The following RDH13 variants were observed in gnomAD, a reference collection of about 807,000 sequenced individuals.
The protein encoded by RDH13 is retinol dehydrogenase 13.
In RDH13, 35 loss-of-function variants were observed where a neutral mutation model predicts 28.3. The ratio of observed to expected loss-of-function variants is 1.24; its 90% CI spans 0.95 to 1.64. RDH13 has a LOEUF of 1.64. RDH13 is among the 40% of genes most tolerant of loss of function. The pLI is 0.00. For missense variants in RDH13, 514 were observed against 446.3 expected, an observed-to-expected ratio of 1.15 and a Z score of -1.37; for synonymous variants, 229 against 198.5, an observed-to-expected ratio of 1.15 and a Z score of -1.29.
At chr19:55,057,111 A>G (rs137939130) in intron 2 of RDH13, among the ~76,000 whole-genome samples, 1 of 152,304 alleles carries the variant, frequency 6.6e-6, no homozygotes, top group Non-Finnish European at 1.5e-5. Context: ...CAGACACGAA[A>G]GACCACACAG....
At position 55,044,532 on chromosome 19, in the gene RDH13, A is replaced by C. The variant is rs971817899; in HGVS notation, c.*542T>G. 3.3e-5 allele frequency: 5 copies of C among 152,614 alleles called. No homozygotes were observed. The highest frequency in any genetic ancestry group is 1.2e-4 in the African/African-American group (5 of 41,456). The allele number at this position is 152,614 out of a possible 1,614,324, so 9.5% of individuals were successfully genotyped here. A position where few individuals can be genotyped will look rare whatever the true frequency, so the allele number is the denominator to read the frequency against. On this transcript the variant is annotated 3_prime_UTR_variant, in exon 7 of 7. Transcript: ENST00000415061. Reference sequence around the variant, plus strand: ...GGCTCTGGCACAGGAAGCCCTCAGCAAACACCCCCGGCACAGCCATGCCAT... The same window carrying C: ...GGCTCTGGCACAGGAAGCCCTCAGCCAACACCCCCGGCACAGCCATGCCAT...
chr19:55,062,904 G>A, intron 1 of RDH13, 64 bp downstream of exon 1: 1 of 1,316,214 alleles, frequency 7.6e-7, no homozygotes, highest in South Asian at 1.7e-5. Context: ...GGTCTCCGCC[G>A]CCTTCCCGGC....
chr19:55,064,611 GTTTGT>G (rs557477350), upstream of RDH13, among the ~76,000 whole-genome samples: 221 of 150,724 alleles, frequency 1.5e-3, no homozygotes, highest in African/African-American at 2.1e-3. Context: ...TTGTTTGTTT[GTTTGT>G]TTTGTTTTGT....
At chr19:55,055,277 T>C (rs990722443) in intron 3 of RDH13, among the ~76,000 whole-genome samples, 2 of 151,896 alleles carry the variant, frequency 1.3e-5, no homozygotes, top group African/African-American at 4.8e-5. Flanking sequence ...CTCAGCACCC[T>C]GAGTAGCTGA....
chr19:55,061,232 A>G (rs1215233922), intron 1 of RDH13, among the ~76,000 whole-genome samples: 2 of 152,088 alleles, frequency 1.3e-5, no homozygotes, highest in Admixed American at 6.5e-5. Context: ...GGTTCAAGCG[A>G]TTCTCCTGCC....
chr19:55,044,951 G>A lies in RDH13; in HGVS notation c.*123C>T. ...CCAGCACCGCCCCCTAGAACCTACT[G>A]CGGGCATGGCGGCCGCCAGTCCTGG... On this transcript the variant is annotated 3_prime_UTR_variant, in exon 7 of 7. Coordinates refer to ENST00000415061, the MANE Select transcript of RDH13 (RefSeq NM_001145971.2). 1.4e-6 allele frequency: 1 copy of A among 703,470 alleles called. No individual in the cohort carries two copies. Among genetic ancestry groups the A allele is most frequent in the East Asian group, 2.7e-5 (1 of 37,016 alleles). 43.6% of individuals were successfully genotyped at this position (703,470 alleles called of 1,614,324 possible). A position where few individuals can be genotyped will look rare whatever the true frequency, so the allele number is the denominator to read the frequency against.
intron 2 of RDH13, among the ~76,000 whole-genome samples, chr19:55,057,797 CTTTT>C (rs2075685995): frequency 7.2e-6 from 1 of 139,304 alleles, no homozygotes; most frequent in East Asian, 2.2e-4. Context: ...ACCCCCTTTT[CTTTT>C]TGTTTATTAT....
chr19:55,059,058 G>A (rs939981747), intron 2 of RDH13, 99 bp downstream of exon 2: 3 of 730,540 alleles, frequency 4.1e-6, no homozygotes, highest in Admixed American at 2.2e-5. Flanking sequence ...ATCTGTGGAT[G>A]GGTGCCTGGG....
Position 55,048,534 on chromosome 19 carries a change from A to G in RDH13, c.453T>C (p.Phe151=), listed in dbSNP as rs2075318570. The G allele has an allele frequency of 1.2e-6, 2 of 1,614,150 alleles. No homozygotes were observed. ...TGTCCAGCAGCAAGTTTGTCAAGAG[A>G]AAGTGACCTGGATTAAGGATGATGA... ...MQFGVNHLGH[F]LLTNLLLDKL... is the part of the protein sequence containing the mutation. The change falls in exon 5 of 7, where the codon TTT becomes TTC. Residue 151 remains phenylalanine, a synonymous_variant. Coordinates refer to ENST00000415061, the MANE Select transcript of RDH13 (RefSeq NM_001145971.2).
At chr19:55,045,336 T>A in intron 6 of RDH13, 27 bp from the exon 7 acceptor site, 1 of 1,568,488 alleles carries the variant, frequency 6.4e-7, no homozygotes, top group Non-Finnish European at 8.7e-7. Context: ...GGGCATTTAG[T>A]CCACACTCGC....
chr19:55,048,269 G>T, intron 5 of RDH13, 60 bp downstream of exon 5: 1 of 1,604,556 alleles, frequency 6.2e-7, no homozygotes, highest in Non-Finnish European at 8.5e-7. Context: ...TAGGATCATG[G>T]AAAGGCCGCT....
chr19:55,049,617 G>T (rs149365788), intron 3 of RDH13, among the ~76,000 whole-genome samples: 1 of 151,778 alleles, frequency 6.6e-6, no homozygotes, highest in African/African-American at 2.4e-5. Flanking sequence ...TGGAGAAACC[G>T]CGTCTTTACT....
chr19:55,046,182 G>A (rs191117194), intron 6 of RDH13, among the ~76,000 whole-genome samples: 5,684 of 151,126 alleles, frequency 0.038, 157 homozygotes, highest in South Asian at 0.063. Context: ...AGGAGGCAGA[G>A]GTTGGAGTGA....
In RDH13 at chr19:55,044,337, T is replaced by C. The variant is rs1235134516; in HGVS notation, c.*737A>G. On this transcript the variant is annotated 3_prime_UTR_variant, in exon 7 of 7. Transcript: ENST00000415061. The stretch of plus-strand genomic sequence containing the variant: ...CGGGTACATTTTCTTCTTTTTTTTT[T>C]CTTTTAAATGAGCAAGTTTGAGAGT... 3 of 151,424 alleles carry C rather than the reference T, an allele frequency of 2.0e-5. No homozygotes were observed. In the East Asian group the frequency reaches 5.8e-4, roughly 29 times the overall value. The allele number at this position is 151,424 out of a possible 1,614,324, so 9.4% of individuals were successfully genotyped here.
At chr19:55,063,938 G>T (rs961402797), upstream of RDH13, 1 of 152,300 alleles carries the variant, frequency 6.6e-6, no homozygotes, top group East Asian at 1.9e-4. Context: ...TGCTCACAGC[G>T]AGTGTATCTG....
intron 3 of RDH13, among the ~76,000 whole-genome samples, chr19:55,056,307 T>G (rs942358419): frequency 7.9e-5 from 12 of 151,460 alleles, no homozygotes; most frequent in Admixed American, 2.6e-4. Context: ...CTACTAAAAA[T>G]ACAAAAATTA....
intron 1 of RDH13, among the ~76,000 whole-genome samples, 189 bp from the exon 2 acceptor site, chr19:55,059,464 G>A (rs2075743362): frequency 1.3e-5 from 2 of 152,190 alleles, no homozygotes; most frequent in Admixed American, 6.5e-5. Context: ...TGTCTGGCGT[G>A]TGGAACGCCT....
At chr19:55,040,693 A>G (rs1040412737), downstream of RDH13, 1 of 152,288 alleles carries the variant, frequency 6.6e-6, no homozygotes, top group Non-Finnish European at 1.5e-5. Flanking sequence ...TCTTTAATAC[A>G]TAAGCTGGCT....
Position 55,044,954 on chromosome 19 carries a change from G to A in RDH13, c.*120C>T. ...GCACCGCCCCCTAGAACCTACTGCG[G>A]GCATGGCGGCCGCCAGTCCTGGGTC... On this transcript the variant is annotated 3_prime_UTR_variant, in exon 7 of 7. Coordinates refer to ENST00000415061, the MANE Select transcript of RDH13 (RefSeq NM_001145971.2). 1.4e-6 allele frequency: 1 copy of A among 726,110 alleles called. No individual in the cohort carries two copies. The highest frequency in any genetic ancestry group is 1.8e-5 in the South Asian group (1 of 54,496). 45.0% of individuals were successfully genotyped at this position (726,110 alleles called of 1,614,324 possible). A position where few individuals can be genotyped will look rare whatever the true frequency, so the allele number is the denominator to read the frequency against.
Sources: gnomAD v4.1 joint callset for allele counts (sites outside exome capture counted in the v4.1 genomes callset) on GRCh38, gnomAD v4.1.1 for gene constraint, MANE v1.5 for transcripts, NCBI Gene and HGNC (gene_info 2026-07-23, HGNC 2026-07-21) for gene names.